The following VWA8 variants were observed in gnomAD, a reference collection of about 807,000 sequenced individuals.
VWA8 encodes von Willebrand factor A domain containing 8.
Under a neutral mutation model 241.5 loss-of-function variants are expected in VWA8, and 221 were observed. The ratio of observed to expected loss-of-function variants is 0.91; its 90% CI spans 0.82 to 1.02. The LOEUF (loss-of-function observed/expected upper bound fraction) is 1.02. Among genes scored for constraint, VWA8 ranks in the 50% least tolerant of loss-of-function variants. The pLI is 0.00. For missense variants in VWA8, 2,322 were observed against 2,328.7 expected (o/e 1.00, Z 0.06); for synonymous variants, 852 against 827.1 (o/e 1.03, Z -0.52).
chr13:41,833,494 G>T lies in VWA8; in HGVS notation c.1463C>A (p.Thr488Asn). ...CCAGGCAGTGTCTCCATTTGGAAGG[G>T]TGTATCTCTGCTGTAGCAGATCACG... ...TARDLLQQRY[T>N]LPNGDTAWRS... Residue 488 changes from threonine (T) to asparagine (N), a missense_variant, in exon 13 of 45, where the codon ACC becomes AAC. Thr to Asn is a moderately conservative substitution (Grantham distance 65). Transcript: ENST00000379310. The T allele has an allele frequency of 1.9e-6, 3 of 1,613,588 alleles. No individual in the cohort carries two copies.
intron 37 of VWA8, among the ~76,000 whole-genome samples, chr13:41,624,921 C>G (rs2044679747): frequency 6.6e-6 from 1 of 152,192 alleles, no homozygotes; most frequent in Non-Finnish European, 1.5e-5. Context: ...CTATAAAACC[C>G]TGTAGTCTCT....
intron 21 of VWA8, among the ~76,000 whole-genome samples, chr13:41,752,875 G>T (rs1375094370): frequency 1.3e-5 from 2 of 152,142 alleles, no homozygotes; most frequent in African/African-American, 4.8e-5. Flanking sequence ...AGAAAGGTTA[G>T]TGAAGACTGG....
chr13:41,890,839 T>C (rs533972503), intron 5 of VWA8, among the ~76,000 whole-genome samples: 121 of 152,342 alleles, frequency 7.9e-4, no homozygotes, highest in South Asian at 1.7e-3. Flanking sequence ...AGGCGATCAC[T>C]GACTGCTGTG....
rs1868692497 is a variant in VWA8, at chr13:41,778,039, T to G, written c.2295A>C (p.Glu765Asp). Residue 765 changes from glutamate (E) to aspartate (D), a missense_variant, in exon 20 of 45, where the codon GAA (glutamate) becomes GAC (aspartate). Physicochemically the swap from Glu to Asp is conservative, Grantham distance 45 (BLOSUM62 2). Coordinates refer to ENST00000379310, the MANE Select transcript of VWA8 (RefSeq NM_015058.2). ...CAAGGAGAAAGTCTTTCAGCATATC[T>G]TCCATCACTATCACATGCTAGAGAA... ...YDNIQHVIVM[E>D]DMLKDFLLGE... 2.5e-6 allele frequency: 4 copies of G among 1,612,030 alleles called. No individual in the cohort carries two copies. Among genetic ancestry groups the G allele is most frequent in the Non-Finnish European group, 3.4e-6 (4 of 1,179,382 alleles).
At chr13:41,794,727 T>C (rs1003563735) in intron 17 of VWA8, among the ~76,000 whole-genome samples, 11 of 152,188 alleles carry the variant, frequency 7.2e-5, no homozygotes, top group Non-Finnish European at 1.6e-4. Flanking sequence ...TCAAGGGGAA[T>C]GCTTCCAGAT....
At chr13:41,690,606 G>C (rs1348480627) in intron 32 of VWA8, among the ~76,000 whole-genome samples, 1 of 152,164 alleles carries the variant, frequency 6.6e-6, no homozygotes, top group East Asian at 1.9e-4. Flanking sequence ...AGCCAGGAAG[G>C]GGGAGTATGA....
intron 20 of VWA8, among the ~76,000 whole-genome samples, chr13:41,770,440 C>CAAA (rs35797822): frequency 0.17 from 16,986 of 102,002 alleles, 1,268 homozygotes; most frequent in Non-Finnish European, 0.21. Context: ...GACTCCGTTT[C>CAAA]AAAAAAAAAA....
chr13:41,578,589 A>T (rs1321529067), intron 42 of VWA8, among the ~76,000 whole-genome samples: 1 of 152,208 alleles, frequency 6.6e-6, no homozygotes, highest in Non-Finnish European at 1.5e-5. Context: ...TAACTCCTAA[A>T]TCTGCCATTC....
intron 21 of VWA8, among the ~76,000 whole-genome samples, chr13:41,739,504 G>T (rs2045550083): frequency 6.6e-6 from 1 of 152,056 alleles, no homozygotes; most frequent in Non-Finnish European, 1.5e-5. Context: ...TCTAATCCAT[G>T]AATTATTTTA....
chr13:41,876,553 T>C (rs149974194), intron 9 of VWA8, among the ~76,000 whole-genome samples: 4 of 152,252 alleles, frequency 2.6e-5, no homozygotes, highest in African/African-American at 7.2e-5. Flanking sequence ...ACAGCATCCA[T>C]TCCTCAATTG....
chr13:41,946,331 A>G (rs1437381359), intron 2 of VWA8, among the ~76,000 whole-genome samples: 2 of 152,170 alleles, frequency 1.3e-5, no homozygotes, highest in East Asian at 3.8e-4. Flanking sequence ...TCAAATCCAC[A>G]TGAAGAAATA....
chr13:41,673,217 T>C (rs1255938742), intron 36 of VWA8, among the ~76,000 whole-genome samples: 4 of 152,206 alleles, frequency 2.6e-5, no homozygotes, highest in Admixed American at 1.3e-4. Context: ...ATGCAGATAA[T>C]ATAAAACTTT....
chr13:41,569,389 T>A (rs1283682179), intron 44 of VWA8, among the ~76,000 whole-genome samples: 1 of 152,196 alleles, frequency 6.6e-6, no homozygotes, highest in African/African-American at 2.4e-5. Context: ...TGTTTGAGGA[T>A]GTGGAGGTTC....
intron 37 of VWA8, among the ~76,000 whole-genome samples, chr13:41,618,395 T>C (rs1380699238): frequency 1.3e-5 from 2 of 152,236 alleles, no homozygotes; most frequent in Non-Finnish European, 1.5e-5. Context: ...GATGGGTAGA[T>C]TGTAAAAATT....
intron 37 of VWA8, among the ~76,000 whole-genome samples, chr13:41,656,034 G>T (rs1215486900): frequency 6.6e-6 from 1 of 152,166 alleles, no homozygotes; most frequent in African/African-American, 2.4e-5. Context: ...TTAAGACTAA[G>T]GGAGTCATAA....
In VWA8 at chr13:41,709,333, G is replaced by A. The variant is rs184754707; in HGVS notation, c.3117-5922C>T. On this transcript the variant is annotated intron_variant, in intron 26 of 44. Coordinates refer to ENST00000379310, the MANE Select transcript of VWA8 (RefSeq NM_015058.2). The stretch of plus-strand genomic sequence containing the variant: ...TGTTGTACCTCTTTTTCATTGCCAC[G>A]GCCACAATGTGGGCCTCATTCTTCA... 1.1e-4 allele frequency among the ~76,000 whole-genome samples: 16 copies of A among 152,138 alleles called. No individual in the cohort carries two copies. In the East Asian group the frequency reaches 2.9e-3, roughly 28 times the overall value.
intron 12 of VWA8, among the ~76,000 whole-genome samples, chr13:41,834,997 C>T (rs755838649): frequency 1.3e-5 from 2 of 152,088 alleles, no homozygotes; most frequent in Non-Finnish European, 2.9e-5. Flanking sequence ...AACCAAATAC[C>T]ACGTGTTCTC....
intron 4 of VWA8, among the ~76,000 whole-genome samples, chr13:41,901,347 G>C (rs1032124671): frequency 2.6e-5 from 4 of 151,902 alleles, no homozygotes; most frequent in Non-Finnish European, 5.9e-5. Flanking sequence ...GACAGAGCCT[G>C]GTTCAAATTT....
At chr13:41,784,976 C>T (rs956131350) in intron 18 of VWA8, among the ~76,000 whole-genome samples, 2 of 150,824 alleles carry the variant, frequency 1.3e-5, no homozygotes, top group Admixed American at 6.6e-5. Context: ...TTATTAGTTC[C>T]TGGAAGCCAG....
Sources: gnomAD v4.1 joint callset for allele counts (sites outside exome capture counted in the v4.1 genomes callset) on GRCh38, gnomAD v4.1.1 for gene constraint, MANE v1.5 for transcripts, NCBI Gene and HGNC (gene_info 2026-07-23, HGNC 2026-07-21) for gene names.